The following ZNF420 variants were observed in gnomAD, a reference collection of about 807,000 sequenced individuals.
ZNF420 encodes the protein zinc finger protein 420.
Under a neutral mutation model 44.7 loss-of-function variants are expected in ZNF420, and 31 were observed. The ratio of observed to expected loss-of-function variants is 0.69; its 90% CI spans 0.52 to 0.94. The LOEUF is 0.94. Ranked by LOEUF, ZNF420 falls within the 40% of genes least tolerant of loss-of-function variation. ZNF420 has a pLI of 0.00. For missense variants in ZNF420, 681 were observed against 827.9 expected, an observed-to-expected ratio of 0.82 and a Z score of 2.18; for synonymous variants, 245 against 267.4, an observed-to-expected ratio of 0.92 and a Z score of 0.82.
intron 4 of ZNF420, among the ~76,000 whole-genome samples, chr19:37,120,305 A>C (rs1479616438): frequency 1.3e-5 from 2 of 151,888 alleles, no homozygotes; most frequent in Admixed American, 6.6e-5. Context: ...CCTGGGATGC[A>C]AGGCTGGTTC....
At chr19:37,123,759 T>C (rs1218014068) in intron 4 of ZNF420, among the ~76,000 whole-genome samples, 2 of 149,718 alleles carry the variant, frequency 1.3e-5, no homozygotes, top group Non-Finnish European at 2.9e-5. Context: ...TGTGCCACCA[T>C]GCCCAGCTAA....
upstream of ZNF420, among the ~76,000 whole-genome samples, chr19:37,077,122 A>T (rs1968177367): frequency 6.6e-6 from 1 of 152,218 alleles, no homozygotes; most frequent in Non-Finnish European, 1.5e-5. Flanking sequence ...GTTTTTGATT[A>T]TTCAAAAATC....
At chr19:37,034,356 G>C (rs184868600) in intron 1 of ZNF420, among the ~76,000 whole-genome samples, 55 of 152,192 alleles carry the variant, frequency 3.6e-4, no homozygotes, top group Non-Finnish European at 6.8e-4. Context: ...CTATTTTTTA[G>C]TTAGGTTGTT....
At chr19:37,101,888 G>C (rs1969798101) in intron 4 of ZNF420, among the ~76,000 whole-genome samples, 1 of 152,208 alleles carries the variant, frequency 6.6e-6, no homozygotes, top group Non-Finnish European at 1.5e-5. Context: ...GGCCCCCTCA[G>C]GATTTGCTGT....
chr19:37,056,022 G>A (rs76469010), intron 1 of ZNF420, among the ~76,000 whole-genome samples: 2,232 of 152,168 alleles, frequency 0.015, 23 homozygotes, highest in African/African-American at 0.028. Context: ...GTGTGTTTCC[G>A]TTCCACTGCT....
At chr19:37,083,728 T>C (rs1256046441) in intron 2 of ZNF420, among the ~76,000 whole-genome samples, 3 of 152,336 alleles carry the variant, frequency 2.0e-5, no homozygotes, top group African/African-American at 4.8e-5. Flanking sequence ...AGGCTCATTT[T>C]GTACAATTTC....
intron 4 of ZNF420, chr19:37,092,082 A>G (rs1969185233): frequency 6.6e-6 from 1 of 152,198 alleles, no homozygotes; most frequent in African/African-American, 2.4e-5. Flanking sequence ...AATCCGTATC[A>G]ATTACAACTT....
At chr19:37,106,978 TATTACCACTAGC>T (rs898020207) in intron 4 of ZNF420, 41 of 152,096 alleles carry the variant, frequency 2.7e-4, no homozygotes, top group African/African-American at 9.9e-4. Flanking sequence ...TAAAGAGCAG[TATTACCACTAGC>T]ATGTCTCTCC....
chr19:37,043,674 T>C (rs1967497438), intron 1 of ZNF420, among the ~76,000 whole-genome samples: 2 of 152,214 alleles, frequency 1.3e-5, no homozygotes, highest in African/African-American at 4.8e-5. Context: ...GGTTTCACCA[T>C]GTTGGTCAGT....
chr19:37,040,879 C>T (rs532518771), intron 1 of ZNF420, among the ~76,000 whole-genome samples: 3 of 152,220 alleles, frequency 2.0e-5, no homozygotes, highest in African/African-American at 7.2e-5. Context: ...ATAAAGTTCT[C>T]TCTCAATGTC....
chr19:37,083,027 A>C (rs1968548908), intron 2 of ZNF420, among the ~76,000 whole-genome samples: 1 of 127,646 alleles, frequency 7.8e-6, no homozygotes, highest in African/African-American at 3.1e-5. Flanking sequence ...TGCCCAGCTA[A>C]TTTTTTGTAT....
chr19:37,014,566 A>C (rs914962994), intron 1 of ZNF420, among the ~76,000 whole-genome samples: 5 of 152,094 alleles, frequency 3.3e-5, no homozygotes, highest in Admixed American at 6.6e-5. Context: ...TGCTTGTCGC[A>C]AGCAGCCTCC....
At chr19:37,074,732 G>C (rs1968117927), upstream of ZNF420, among the ~76,000 whole-genome samples, 1 of 151,924 alleles carries the variant, frequency 6.6e-6, no homozygotes, top group Non-Finnish European at 1.5e-5. Flanking sequence ...AATCCTCAAT[G>C]GTGAAATATA....
At chr19:37,109,756 CTTA>C (rs1970285265) in intron 4 of ZNF420, 1 of 152,228 alleles carries the variant, frequency 6.6e-6, no homozygotes, top group African/African-American at 2.4e-5. Context: ...TTTCCCATGT[CTTA>C]TTGTTGTTGT....
chr19:37,026,438 A>G (rs7255739), intron 1 of ZNF420, among the ~76,000 whole-genome samples: 54,907 of 150,982 alleles, frequency 0.36, 10,299 homozygotes, highest in African/African-American at 0.45. Flanking sequence ...TCCTGCCTTA[A>G]CTTCCCAAGT....
chr19:37,125,171 T>C (rs965583906), intron 4 of ZNF420, among the ~76,000 whole-genome samples: 2 of 152,118 alleles, frequency 1.3e-5, no homozygotes, highest in African/African-American at 4.8e-5. Context: ...CAACATTCCA[T>C]GAGATTATAG....
chr19:37,056,705 C>T (rs1446630572), intron 1 of ZNF420, among the ~76,000 whole-genome samples: 2 of 152,210 alleles, frequency 1.3e-5, no homozygotes, highest in African/African-American at 4.8e-5. Flanking sequence ...CCCATCCCTG[C>T]TCACCTGGTG....
chr19:37,067,552 CAT>C (rs1259415678), intron 1 of ZNF420, among the ~76,000 whole-genome samples: 1 of 152,140 alleles, frequency 6.6e-6, no homozygotes, highest in Non-Finnish European at 1.5e-5. Flanking sequence ...TTAATTTCTA[CAT>C]GTTTGGAAAT....
intron 1 of ZNF420, among the ~76,000 whole-genome samples, chr19:37,008,607 A>C (rs921207729): frequency 1.3e-5 from 2 of 152,202 alleles, no homozygotes; most frequent in African/African-American, 4.8e-5. Flanking sequence ...TTCTCTGACA[A>C]ATGAAGCCAC....
Sources: gnomAD v4.1 joint callset for allele counts (sites outside exome capture counted in the v4.1 genomes callset) on GRCh38, gnomAD v4.1.1 for gene constraint, MANE v1.5 for transcripts, NCBI Gene and HGNC (gene_info 2026-07-23, HGNC 2026-07-21) for gene names.